Variants in LAMA5 observed in about 807,000 individuals in gnomAD.
LAMA5 encodes the protein laminin subunit alpha 5, also known as laminin subunit alpha-5.
LAMA5 carries 260 observed loss-of-function variants against 433.4 expected under a neutral mutation model. The ratio of observed to expected loss-of-function variants is 0.60; its 90% CI spans 0.54 to 0.66. LAMA5 has a LOEUF of 0.66. Ranked by LOEUF, LAMA5 falls within the 30% of genes least tolerant of loss-of-function variation. The pLI is 0.00. For synonymous variants in LAMA5, 2,620 were observed against 2,226.6 expected (o/e 1.18, Z -4.97); for missense variants, 5,378 against 5,258.5 (o/e 1.02, Z -0.70).
Position 62,313,431 on chromosome 20 carries a change from G to A in LAMA5, c.8688C>T (p.Tyr2896=). 6.2e-7 allele frequency: 1 copy of A among 1,610,642 alleles called. No homozygotes were observed. The highest frequency in any genetic ancestry group is 8.5e-7 in the Non-Finnish European group (1 of 1,179,106). Residue 2896 remains tyrosine, a synonymous_variant, in exon 64 of 80, where the codon TAC becomes TAT. Transcript: ENST00000252999. ...TPPPLLRFPG[Y]RGCIEMDTLN... is the part of the protein sequence containing the mutation. ...GCGTGTCCATCTCGATGCAGCCCCG[G>A]TAGCCGGGGAAGCGAAGCAGGGGAG...
At chr20:62,334,729 A>G in intron 20 of LAMA5, 108 bp from the exon 21 acceptor site, 1 of 408,320 alleles carries the variant, frequency 2.4e-6, no homozygotes, top group South Asian at 3.4e-5. Context: ...GATGATGGAG[A>G]GTCAGGGCTC....
intron 48 of LAMA5, 38 bp downstream of exon 48, chr20:62,321,981 T>C: frequency 2.5e-6 from 4 of 1,581,686 alleles, no homozygotes; most frequent in Non-Finnish European, 3.4e-6. Flanking sequence ...GGATTCCTAC[T>C]CCATCAGGTG....
intron 78 of LAMA5, 41 bp downstream of exon 78, chr20:62,309,947 G>A (rs758061754): frequency 5.0e-6 from 8 of 1,606,228 alleles, no homozygotes; most frequent in Non-Finnish European, 6.8e-6. Context: ...CTGCAGAAGG[G>A]TGGGGGTGGC....
rs776195092 is a variant in LAMA5, at chr20:62,310,208, G to T, written c.10704C>A (p.Pro3568=). 1 of 1,612,566 alleles carries T rather than the reference G, an allele frequency of 6.2e-7. No individual in the cohort carries two copies. Among genetic ancestry groups the T allele is most frequent in the Non-Finnish European group, 8.5e-7 (1 of 1,179,942 alleles). The change falls in exon 77 of 80, where the codon CCC becomes CCA. Residue 3568 remains proline (P), a synonymous_variant. Coordinates refer to ENST00000252999, the MANE Select transcript of LAMA5 (RefSeq NM_005560.6). Reference sequence around the variant, plus strand: ...TCTCGGTCACCTGCAACTGCAAGTAGGGGGGCGTCCGGGCCTGGCCCAAGT... The same window carrying T: ...TCTCGGTCACCTGCAACTGCAAGTATGGGGGCGTCCGGGCCTGGCCCAAGT... The part of the protein sequence containing the change: ...IFHLGQARTP[P]YLQLQVTEKQ...
rs1165690472 is a variant in LAMA5 at position 62,329,830 on chromosome 20, G to A, written c.4066C>T (p.His1356Tyr). Residue 1356 changes from histidine (H) to tyrosine (Y), a missense_variant, in exon 32 of 80, where the codon CAC (histidine) becomes TAC (tyrosine). Coordinates refer to ENST00000252999, the MANE Select transcript of LAMA5 (RefSeq NM_005560.6). ...CGCACGGTCACAGTGAGCTCGCTGT[G>A]GGTCACGTCCAGCAGGGCCTGGCCC... Reference protein sequence around the residue: ...CEGQALLDVTHSELTVTVRVP... With the variant: ...CEGQALLDVTYSELTVTVRVP... 6 of 1,612,448 alleles carry A rather than the reference G, an allele frequency of 3.7e-6. No homozygotes were observed. Among genetic ancestry groups the A allele is most frequent in the Non-Finnish European group, 3.4e-6 (4 of 1,179,786 alleles).
chr20:62,366,066 A>C (rs2031645164), intron 1 of LAMA5, among the ~76,000 whole-genome samples: 1 of 152,174 alleles, frequency 6.6e-6, no homozygotes, highest in Admixed American at 6.5e-5. Flanking sequence ...AGCTCAGGTT[A>C]CACAGGCCCT....
chr20:62,326,933 G>C lies in LAMA5; in HGVS notation c.5146C>G (p.Leu1716Val), dbSNP rs752218040. ...SSYGGTLRYE[L>V]HSETQRGDVF... ...TCTCCCCGCTGGGTCTCTGAGTGCA[G>C]TTCATAACGGAGGGTCCCACCGTAG... The change falls in exon 39 of 80, where the codon CTG becomes GTG. Residue 1716 changes from leucine (L) to valine (V), a missense_variant. Transcript: ENST00000252999. 6.2e-7 allele frequency: 1 copy of C among 1,611,420 alleles called. No homozygotes were observed. Among genetic ancestry groups the C allele is most frequent in the South Asian group, 1.1e-5 (1 of 90,964 alleles).
chr20:62,327,800 C>T lies in LAMA5; in HGVS notation c.4797+66G>A, dbSNP rs1009091177. 6.4e-5 allele frequency: 100 copies of T among 1,573,576 alleles called. No individual in the cohort carries two copies. In the Middle Eastern group the frequency reaches 1.0e-3, roughly 16 times the overall value. On this transcript the variant is annotated intron_variant, in intron 36 of 79. Coordinates refer to ENST00000252999, the MANE Select transcript of LAMA5 (RefSeq NM_005560.6). The stretch of plus-strand genomic sequence containing the variant: ...GAAGCCCCAGCTGCCCCGAAAGGCC[C>T]GTAAGGACACTTTCAGCTGATGAGG...
At chr20:62,333,520 C>A (rs370622908) in intron 24 of LAMA5, 39 bp from the exon 25 acceptor site, 5 of 1,585,136 alleles carry the variant, frequency 3.2e-6, no homozygotes, top group Admixed American at 1.8e-5. Flanking sequence ...GTGGGCCCCA[C>A]CCCCTGACCC....
chr20:62,315,218 C>T lies in LAMA5; in HGVS notation c.7868-11G>A. ...TCTTGCTTGTCTCGTCTGTGGTGGGCAGAGGGCAGGCTCAGCAGGGGCCAG... is the reference window on the plus strand; with the variant it reads ...TCTTGCTTGTCTCGTCTGTGGTGGGTAGAGGGCAGGCTCAGCAGGGGCCAG... On this transcript the variant is annotated splice_polypyrimidine_tract_variant and intron_variant, in intron 58 of 79. Coordinates refer to ENST00000252999, the MANE Select transcript of LAMA5 (RefSeq NM_005560.6). The T allele has an allele frequency of 1.3e-6, 2 of 1,595,882 alleles. No individual in the cohort carries two copies. The highest frequency in any genetic ancestry group is 1.7e-6 in the Non-Finnish European group (2 of 1,170,396).
At chr20:62,349,581 T>G in intron 6 of LAMA5, among the ~76,000 whole-genome samples, 1 of 121,312 alleles carries the variant, frequency 8.2e-6, no homozygotes, top group Non-Finnish European at 1.6e-5. Flanking sequence ...CAATTCCGGA[T>G]AGACTGTCAT....
At position 62,360,043 on chromosome 20, in the gene LAMA5, CTGATGGAGGCCCCAGCCCCGCCCCAGG is replaced by C. The variant is rs1985797934; in HGVS notation, c.450+2330_450+2356del. Among the ~76,000 whole-genome samples, 16 of 151,328 alleles carry C rather than the reference CTGATGGAGGCCCCAGCCCCGCCCCAGG, an allele frequency of 1.1e-4. No homozygotes were observed. In the South Asian group the frequency reaches 3.1e-3, roughly 30 times the overall value. On this transcript the variant is annotated intron_variant, in intron 2 of 79. Coordinates refer to ENST00000252999, the MANE Select transcript of LAMA5 (RefSeq NM_005560.6). ...CCCACCCGCCGCTCAGCCTGGCTTC[CTGATGGAGGCCCCAGCCCCGCCCCAGG>C]ATCAGCCCTGAAGCCCAGGAAGGAC...
At chr20:62,328,539 C>CG (rs1256785836) in intron 34 of LAMA5, 94 bp from the exon 35 acceptor site, 1 of 1,297,830 alleles carries the variant, frequency 7.7e-7, no homozygotes, top group East Asian at 2.6e-5. Context: ...GGCAGTGTGA[C>CG]GGGGGCGGGG....
Position 62,333,955 on chromosome 20 carries a change from C to A in LAMA5, c.2824G>T (p.Val942Leu), listed in dbSNP as rs1981038569. Reference protein sequence around the residue: ...FRYVNRGAMSVSGRVSVREEG... With the variant: ...FRYVNRGAMSLSGRVSVREEG... ...TCTCGCACAGAGACCCGCCCGCTCA[C>A]ACTCATGGCCCCCCGGTTGACGTAT... Residue 942 changes from valine (V) to leucine (L), a missense_variant, in exon 23 of 80, where the codon GTG becomes TTG. Physicochemically the swap from Val to Leu is conservative, Grantham distance 32 (BLOSUM62 1). Coordinates refer to ENST00000252999, the MANE Select transcript of LAMA5 (RefSeq NM_005560.6). 6.2e-7 allele frequency: 1 copy of A among 1,612,626 alleles called. No homozygotes were observed. Among genetic ancestry groups the A allele is most frequent in the Non-Finnish European group, 8.5e-7 (1 of 1,179,812 alleles).
chr20:62,311,474 G>A lies in LAMA5; in HGVS notation c.9869C>T (p.Thr3290Met), dbSNP rs547465324. The change falls in exon 72 of 80, where the codon ACG (threonine) becomes ATG (methionine). Residue 3290 changes from threonine to methionine, a missense_variant. Physicochemically the swap from Thr to Met is moderately conservative, Grantham distance 81. Coordinates refer to ENST00000252999, the MANE Select transcript of LAMA5 (RefSeq NM_005560.6). ...GGCTTGCAGGGCGGGTGCACAGCCC[G>A]TGCTCACATTGACGCTGCCCAGGTT... ...QQNLGSVNVS[T>M]GCAPALQAQT... is the part of the protein sequence containing the mutation. 72 of 1,609,720 alleles carry A rather than the reference G, an allele frequency of 4.5e-5. No homozygotes were observed. Among genetic ancestry groups the A allele is most frequent in the South Asian group, 7.7e-5 (7 of 90,614 alleles).
chr20:62,345,960 C>T, intron 10 of LAMA5, 83 bp from the exon 11 acceptor site: 1 of 1,569,328 alleles, frequency 6.4e-7, no homozygotes, highest in East Asian at 2.3e-5. Context: ...GGTCTCTCAG[C>T]ACAATCGGAG....
chr20:62,345,120 C>T (rs373344178), intron 11 of LAMA5, among the ~76,000 whole-genome samples: 4 of 151,596 alleles, frequency 2.6e-5, no homozygotes, highest in East Asian at 3.9e-4. Flanking sequence ...CGGGTTCAAG[C>T]GATTTTCCTG....
chr20:62,319,590 G>A (rs1407047001), intron 51 of LAMA5, 94 bp downstream of exon 51: 2 of 851,692 alleles, frequency 2.3e-6, no homozygotes, highest in Non-Finnish European at 3.7e-6. Context: ...GATCCTGCCT[G>A]TTCTTCCAGG....
rs1986039954 is a variant in LAMA5, at chr20:62,310,010, A to T, written c.10806T>A (p.Asp3602Glu). The change falls in exon 78 of 80, where the codon GAT becomes GAA. Residue 3602 changes from aspartate to glutamate, a missense_variant. Asp to Glu is a conservative substitution (Grantham distance 45). Transcript: ENST00000252999. The stretch of plus-strand genomic sequence containing the variant: ...CACCCGCTAGCCGGTGCCACTGGCC[A>T]TCACACAGCACTGAGGGGCGGGTCA... ...TSVTRPSVLC[D>E]GQWHRLAVMK... 6.2e-7 allele frequency: 1 copy of T among 1,611,292 alleles called. No individual in the cohort carries two copies. The highest frequency in any genetic ancestry group is 1.7e-5 in the Admixed American group (1 of 59,968).
Sources: allele counts gnomAD v4.1 joint callset (sites outside exome capture counted in the v4.1 genomes callset), GRCh38; gene constraint gnomAD v4.1.1; transcripts MANE v1.5; gene names NCBI Gene and HGNC (gene_info 2026-07-23, HGNC 2026-07-21).